PXT1: variants seen among roughly 807,000 people sequenced by gnomAD.
PXT1 encodes the protein peroxisomal testis enriched protein 1, also known as peroxisomal testis-specific protein 1.
PXT1 carries 11 observed loss-of-function variants against 11.0 expected under a neutral mutation model. That is an observed-to-expected ratio of 1.00 (90% CI 0.63 to 1.66). PXT1 has a LOEUF of 1.66. Ranked by LOEUF, PXT1 falls within the 40% of genes most tolerant of loss-of-function variation. The probability of loss-of-function intolerance (pLI) is 0.00; values close to 1 mark genes in which losing one functional copy is unlikely to be tolerated. For missense variants in PXT1, 141 were observed against 155.5 expected, an observed-to-expected ratio of 0.91 and a Z score of 0.49; for synonymous variants, 43 against 51.4, an observed-to-expected ratio of 0.84 and a Z score of 0.70.
chr6:36,414,805 G>A (rs1052392137), intron 3 of PXT1, among the ~76,000 whole-genome samples: 5 of 152,208 alleles, frequency 3.3e-5, no homozygotes, highest in African/African-American at 1.2e-4. Flanking sequence ...CTTTCTCAGA[G>A]ATAAACCACC....
chr6:36,434,937 G>A (rs541126233), intron 2 of PXT1, among the ~76,000 whole-genome samples: 3 of 152,262 alleles, frequency 2.0e-5, no homozygotes, highest in Admixed American at 1.3e-4. Flanking sequence ...TAACAGCTTA[G>A]GGAGATTAAC....
intron 2 of PXT1, among the ~76,000 whole-genome samples, chr6:36,432,955 G>A (rs572750445): frequency 1.3e-5 from 2 of 151,652 alleles, no homozygotes; most frequent in Admixed American, 1.3e-4. Flanking sequence ...TACTTCTTAG[G>A]GGAAAAAACC....
chr6:36,400,390 C>A, intron 4 of PXT1, 64 bp downstream of exon 4: 3 of 1,582,946 alleles, frequency 1.9e-6, no homozygotes, highest in Non-Finnish European at 8.6e-7. Context: ...CACTTGGCAG[C>A]CGTAGTTTTG....
intron 2 of PXT1, among the ~76,000 whole-genome samples, chr6:36,428,416 G>GAAAAAAA (rs58930146): frequency 2.0e-4 from 28 of 136,678 alleles, no homozygotes; most frequent in South Asian, 6.9e-4. Context: ...GAGCGAGACT[G>GAAAAAAA]AAAAAAAAGA....
At chr6:36,427,863 A>T (rs1187087926) in intron 2 of PXT1, among the ~76,000 whole-genome samples, 1 of 152,172 alleles carries the variant, frequency 6.6e-6, no homozygotes, top group African/African-American at 2.4e-5. Context: ...AAGGGGAGAA[A>T]GATTGTCAAA....
At chr6:36,427,979 G>A (rs1774632065) in intron 2 of PXT1, among the ~76,000 whole-genome samples, 1 of 152,134 alleles carries the variant, frequency 6.6e-6, no homozygotes, top group African/African-American at 2.4e-5. Context: ...GGGGGATAGG[G>A]AGCTGAGAAA....
At chr6:36,400,417 A>G in intron 4 of PXT1, 37 bp downstream of exon 4, 1 of 1,608,928 alleles carries the variant, frequency 6.2e-7, no homozygotes, top group Non-Finnish European at 8.5e-7. Flanking sequence ...CTTTCCTCCT[A>G]CCTGACAGGC....
intron 2 of PXT1, among the ~76,000 whole-genome samples, chr6:36,431,778 C>A (rs116117145): frequency 0.017 from 2,607 of 151,732 alleles, 71 homozygotes; most frequent in African/African-American, 0.058. Context: ...AAATATATAT[C>A]TATCTATCTA....
chr6:36,418,195 CAA>C (rs1238997012), intron 3 of PXT1, among the ~76,000 whole-genome samples: 2 of 124,938 alleles, frequency 1.6e-5, no homozygotes, highest in Admixed American at 7.8e-5. Context: ...GACTCCGTCT[CAA>C]AAAAAAAAAA....
intron 2 of PXT1, 28 bp downstream of exon 2, chr6:36,438,739 T>C (rs1365549823): frequency 6.6e-6 from 1 of 152,190 alleles, no homozygotes; most frequent in African/African-American, 2.4e-5. Context: ...CGCAACACCA[T>C]GTTTTAATGC....
At chr6:36,428,835 T>C (rs777722043) in intron 2 of PXT1, among the ~76,000 whole-genome samples, 1 of 152,112 alleles carries the variant, frequency 6.6e-6, no homozygotes, top group Non-Finnish European at 1.5e-5. Context: ...TCTGTATTTT[T>C]AGTAGAGACG....
In PXT1 at chr6:36,436,113, C is replaced by CAAAAAAAAAAAAAAAA. The variant is rs11294829; in HGVS notation, c.-10+2638_-10+2653dup. On this transcript the variant is annotated intron_variant, in intron 2 of 4. Transcript: ENST00000454782. ...AAATTAATTAAAAAAAAAAGTAAGC[C>CAAAAAAAAAAAAAAAA]AAAAAAAAAAAAAAAAAAAGCCAGC... Among the ~76,000 whole-genome samples, 2 of 60,086 alleles carry CAAAAAAAAAAAAAAAA rather than the reference C, an allele frequency of 3.3e-5. 1 individual carries two copies. Among genetic ancestry groups the CAAAAAAAAAAAAAAAA allele is most frequent in the Non-Finnish European group, 6.7e-5 (2 of 29,962 alleles). 39.4% of individuals were successfully genotyped at this position (60,086 alleles called of 152,430 possible).
rs532015110 is a variant in PXT1 at position 36,419,367 on chromosome 6, T to C, written c.169+6547A>G. ...CTGCATCAGGAAAGTGAAATACAAG[T>C]TGGGTAAGTTTCAATAATGGACACT... On this transcript the variant is annotated intron_variant, in intron 3 of 4. Transcript: ENST00000454782. 2.0e-5 allele frequency among the ~76,000 whole-genome samples: 3 copies of C among 152,178 alleles called. No homozygotes were observed. In the South Asian group the frequency reaches 6.2e-4, roughly 32 times the overall value.
Position 36,399,063 on chromosome 6 carries a change from A to G in PXT1, c.300+1391T>C, listed in dbSNP as rs577114235. Among the ~76,000 whole-genome samples, 5 of 152,256 alleles carry G rather than the reference A, an allele frequency of 3.3e-5. No individual in the cohort carries two copies. In the East Asian group the frequency reaches 9.6e-4, roughly 29 times the overall value. On this transcript the variant is annotated intron_variant, in intron 4 of 4. Coordinates refer to ENST00000454782, the MANE Select transcript of PXT1 (RefSeq NM_152990.4). The stretch of plus-strand genomic sequence containing the variant: ...ATGAAATTGGCTTATCAAATAGTTT[A>G]TTTGATTGCCTATGTTCTCTATGTT...
At chr6:36,433,165 A>G (rs961174822) in intron 2 of PXT1, among the ~76,000 whole-genome samples, 3 of 151,924 alleles carry the variant, frequency 2.0e-5, no homozygotes, top group African/African-American at 7.3e-5. Context: ...ATCAGGGGGG[A>G]AAAGAATCAC....
intron 2 of PXT1, among the ~76,000 whole-genome samples, chr6:36,432,738 A>G (rs558666197): frequency 1.6e-4 from 24 of 152,334 alleles, no homozygotes; most frequent in African/African-American, 5.5e-4. Context: ...TAATGTAATC[A>G]AGCTATACTT....
chr6:36,437,202 G>A (rs1351397334), intron 2 of PXT1, among the ~76,000 whole-genome samples: 3 of 151,998 alleles, frequency 2.0e-5, no homozygotes, highest in Non-Finnish European at 4.4e-5. Context: ...CAGGAGAATC[G>A]CTTGAACCTA....
rs116349448 is a variant in PXT1, at chr6:36,400,100, T to A, written c.300+354A>T. 8.2e-3 allele frequency among the ~76,000 whole-genome samples: 1,254 copies of A among 152,276 alleles called. 16 individuals are homozygous for A. The highest frequency in any genetic ancestry group is 0.029 in the African/African-American group (1,197 of 41,542). ...ATCCAGTTTTGAGGGTGTGAAACAG[T>A]TTGTTACACTTCAATGTGCACACAA... On this transcript the variant is annotated intron_variant, in intron 4 of 4. Coordinates refer to ENST00000454782, the MANE Select transcript of PXT1 (RefSeq NM_152990.4).
At chr6:36,402,909 C>A (rs1054599999) in intron 3 of PXT1, among the ~76,000 whole-genome samples, 8 of 151,858 alleles carry the variant, frequency 5.3e-5, no homozygotes, top group African/African-American at 1.9e-4. Flanking sequence ...TTGGACCAAG[C>A]ATCAGTATTT....
Sources: allele counts gnomAD v4.1 joint callset (sites outside exome capture counted in the v4.1 genomes callset), GRCh38; gene constraint gnomAD v4.1.1; transcripts MANE v1.5; gene names NCBI Gene and HGNC (gene_info 2026-07-23, HGNC 2026-07-21).